The following MGLL variants were observed in gnomAD, a reference collection of about 807,000 sequenced individuals.
The protein encoded by MGLL is lysophospholipase homolog.
MGLL carries 7 observed loss-of-function variants against 29.1 expected under a neutral mutation model. The ratio of observed to expected loss-of-function variants is 0.24; its 90% CI spans 0.14 to 0.45. The LOEUF (loss-of-function observed/expected upper bound fraction) is 0.45. Among genes scored for constraint, MGLL ranks in the 20% least tolerant of loss-of-function variants. The probability of loss-of-function intolerance (pLI) is 0.99; values close to 1 mark genes in which losing one functional copy is unlikely to be tolerated. For synonymous variants in MGLL, 148 were observed against 168.3 expected, an observed-to-expected ratio of 0.88 and a Z score of 0.93; for missense variants, 356 against 413.6, an observed-to-expected ratio of 0.86 and a Z score of 1.21.
chr3:127,794,156 A>G (rs2077345409), intron 2 of MGLL, among the ~76,000 whole-genome samples: 1 of 152,058 alleles, frequency 6.6e-6, no homozygotes, highest in African/African-American at 2.4e-5. Context: ...CCAAAAATAC[A>G]AAAATTAGCT....
chr3:127,751,097 T>A (rs1474833964), intron 3 of MGLL, among the ~76,000 whole-genome samples: 2 of 152,144 alleles, frequency 1.3e-5, no homozygotes, highest in Non-Finnish European at 2.9e-5. Flanking sequence ...CACTGAGACA[T>A]CCCTGGGATG....
intron 3 of MGLL, among the ~76,000 whole-genome samples, chr3:127,728,067 A>G (rs2076079873): frequency 6.6e-6 from 1 of 152,182 alleles, no homozygotes; most frequent in Non-Finnish European, 1.5e-5. Flanking sequence ...TTCAAATTAA[A>G]TTTCTTTCCA....
At chr3:127,766,208 C>A (rs2076852879) in intron 3 of MGLL, among the ~76,000 whole-genome samples, 1 of 152,076 alleles carries the variant, frequency 6.6e-6, no homozygotes, top group South Asian at 2.1e-4. Flanking sequence ...CCGTAATAGC[C>A]CCCCACCAAC....
chr3:127,776,965 C>T (rs2077046910), intron 3 of MGLL, among the ~76,000 whole-genome samples: 1 of 152,152 alleles, frequency 6.6e-6, no homozygotes, highest in East Asian at 1.9e-4. Flanking sequence ...CCTGCAGTGG[C>T]TGCCTTGGCC....
chr3:127,740,220 C>G (rs2076313974), intron 3 of MGLL, among the ~76,000 whole-genome samples: 1 of 152,246 alleles, frequency 6.6e-6, no homozygotes, highest in African/African-American at 2.4e-5. Flanking sequence ...GAAGTCACCA[C>G]TTGTGGCATG....
intron 3 of MGLL, among the ~76,000 whole-genome samples, chr3:127,746,120 G>A (rs2076437288): frequency 6.6e-6 from 1 of 152,182 alleles, no homozygotes; most frequent in African/African-American, 2.4e-5. Context: ...CGGCCAGGGA[G>A]ACTGGGGAAG....
intron 5 of MGLL, among the ~76,000 whole-genome samples, chr3:127,717,122 C>A (rs2075831468): frequency 2.0e-5 from 3 of 152,230 alleles, no homozygotes; most frequent in African/African-American, 7.2e-5. Flanking sequence ...CCCACGGCAG[C>A]TCATTGCTGC....
intron 3 of MGLL, among the ~76,000 whole-genome samples, chr3:127,724,071 C>A (rs1379504402): frequency 6.6e-6 from 1 of 152,188 alleles, no homozygotes; most frequent in African/African-American, 2.4e-5. Context: ...ACCAACCCTG[C>A]TGATGCCCTG....
chr3:127,744,071 T>C (rs760505710), intron 3 of MGLL, among the ~76,000 whole-genome samples: 18 of 152,154 alleles, frequency 1.2e-4, no homozygotes, highest in Non-Finnish European at 1.2e-4. Context: ...GAAAAAGGTA[T>C]AAAGATGCCA....
chr3:127,706,806 C>A lies in MGLL; in HGVS notation c.600+3770G>T, dbSNP rs544291936. ...GTTCTTAGCTCGTTCTCGGAGGGAA[C>A]TCCCGTGGAAGGCTGTGTCCTGGGG... On this transcript the variant is annotated intron_variant, in intron 6 of 7. Coordinates refer to ENST00000265052, the MANE Select transcript of MGLL (RefSeq NM_007283.7). 4.5e-4 allele frequency among the ~76,000 whole-genome samples: 68 copies of A among 152,352 alleles called. No individual in the cohort carries two copies. In the South Asian group the frequency reaches 0.011, roughly 25 times the overall value.
intron 2 of MGLL, among the ~76,000 whole-genome samples, chr3:127,794,601 G>A (rs2077354422): frequency 6.6e-6 from 1 of 152,196 alleles, no homozygotes; most frequent in Non-Finnish European, 1.5e-5. Flanking sequence ...CGTCTTCTGT[G>A]ATGTAAGGCT....
intron 2 of MGLL, among the ~76,000 whole-genome samples, chr3:127,799,030 C>CCTAG (rs751784966): frequency 4.6e-5 from 7 of 152,220 alleles, no homozygotes; most frequent in Non-Finnish European, 7.3e-5. Context: ...ACACCAAAGG[C>CCTAG]CTAGATAGGG....
intron 3 of MGLL, among the ~76,000 whole-genome samples, chr3:127,776,959 C>CA (rs1367690796): frequency 2.0e-5 from 3 of 151,928 alleles, no homozygotes; most frequent in Admixed American, 6.5e-5. Context: ...TGCCTGCCTG[C>CA]AGTGGCTGCC....
Position 127,822,495 on chromosome 3 carries a change from G to C in MGLL, c.-177C>G, listed in dbSNP as rs1033624872. On this transcript the variant is annotated 5_prime_UTR_variant, in exon 1 of 8. Coordinates refer to ENST00000265052, the MANE Select transcript of MGLL (RefSeq NM_007283.7). ...GCGCTCAGCCGGGAGCCTGCTTCCA[G>C]CTCCCACCGGCAGGCTCTCCGGGGC... 5 of 653,346 alleles carry C rather than the reference G, an allele frequency of 7.7e-6. No individual in the cohort carries two copies. Among genetic ancestry groups the C allele is most frequent in the African/African-American group, 7.4e-5 (4 of 53,822 alleles). 40.5% of individuals were successfully genotyped at this position (653,346 alleles called of 1,614,324 possible).
rs1359385421 is a variant in MGLL at position 127,821,697 on chromosome 3, G to C, written c.152C>G (p.Pro51Arg). 6.2e-7 allele frequency: 1 copy of C among 1,614,096 alleles called. No homozygotes were observed. Among genetic ancestry groups the C allele is most frequent in the South Asian group, 1.1e-5 (1 of 91,078 alleles). The change falls in exon 2 of 8, where the codon CCC (proline) becomes CGC (arginine). Residue 51 changes from proline to arginine, a missense_variant. Pro to Arg is a moderately radical substitution (Grantham distance 103). Coordinates refer to ENST00000265052, the MANE Select transcript of MGLL (RefSeq NM_007283.7). The stretch of plus-strand genomic sequence containing the variant: ...TGACTTTCTGGGGAAGACTTACTTG[G>C]GTGTGCCTGTGGGTTTCCAGTACCT... ...FCRYWKPTGT[P>R]KALIFVSHGA...
chr3:127,706,884 G>A (rs2075613378), intron 6 of MGLL, among the ~76,000 whole-genome samples: 1 of 152,202 alleles, frequency 6.6e-6, no homozygotes, highest in Non-Finnish European at 1.5e-5. Flanking sequence ...TTAAGTCGAA[G>A]GCCTCAGCAC....
At chr3:127,753,408 G>C (rs1431499988) in intron 3 of MGLL, among the ~76,000 whole-genome samples, 3 of 152,190 alleles carry the variant, frequency 2.0e-5, no homozygotes, top group African/African-American at 7.2e-5. Context: ...ATGTTCTCAG[G>C]GCTTAGGTGT....
intron 3 of MGLL, among the ~76,000 whole-genome samples, chr3:127,755,091 TGC>T (rs1419379977): frequency 1.3e-5 from 2 of 152,136 alleles, no homozygotes; most frequent in African/African-American, 2.4e-5. Flanking sequence ...TCCTTGCCAT[TGC>T]GGGGGCTGTT....
chr3:127,727,052 G>A (rs1163197428), intron 3 of MGLL, among the ~76,000 whole-genome samples: 2 of 152,170 alleles, frequency 1.3e-5, no homozygotes, highest in African/African-American at 4.8e-5. Flanking sequence ...TCTTAGAGGG[G>A]CCAGGCTAGT....
Sources: allele counts gnomAD v4.1 joint callset (sites outside exome capture counted in the v4.1 genomes callset), GRCh38; gene constraint gnomAD v4.1.1; transcripts MANE v1.5; gene names NCBI Gene and HGNC (gene_info 2026-07-23, HGNC 2026-07-21).